The following TXNL4A variants were observed in gnomAD, a reference collection of about 807,000 sequenced individuals.
TXNL4A encodes thioredoxin-like protein 4A.
Under a neutral mutation model 14.6 loss-of-function variants are expected in TXNL4A, and 17 were observed. The observed-to-expected ratio is 1.16, with a 90% CI of 0.80 to 1.74. The LOEUF (loss-of-function observed/expected upper bound fraction) is 1.74, where lower values mean the gene tolerates loss of function less well. Among genes scored for constraint, TXNL4A ranks in the 40% most tolerant of loss-of-function variants. The pLI is 0.00. For missense variants in TXNL4A, 74 were observed against 195.2 expected (o/e 0.38, Z 3.70); for synonymous variants, 83 against 70.6 (o/e 1.18, Z -0.88).
chr18:79,988,524 C>G lies in TXNL4A; in HGVS notation c.-132G>C. The G allele has an allele frequency of 9.6e-7, 1 of 1,036,950 alleles. No individual in the cohort carries two copies. The highest frequency in any genetic ancestry group is 1.2e-6 in the Non-Finnish European group (1 of 805,156). 64.2% of individuals were successfully genotyped at this position (1,036,950 alleles called of 1,614,324 possible). ...CGGACGAAATCCGGTCCCGCCCGCA[C>G]ACGCAAACTCCGCTGGGACTGCCAC... is the stretch of plus-strand genomic sequence containing the variant. On this transcript the variant is annotated 5_prime_UTR_variant, in exon 1 of 3. Coordinates refer to ENST00000269601, the MANE Select transcript of TXNL4A (RefSeq NM_006701.5).
intron 1 of TXNL4A, among the ~76,000 whole-genome samples, chr18:79,997,287 C>G (rs1014253064): frequency 6.6e-6 from 1 of 151,986 alleles, no homozygotes; most frequent in African/African-American, 2.4e-5. Flanking sequence ...CAGGAAGCTA[C>G]AGATGGAATC....
intron 1 of TXNL4A, among the ~76,000 whole-genome samples, chr18:80,024,993 A>C (rs2051875072): frequency 6.6e-6 from 1 of 152,224 alleles, no homozygotes; most frequent in East Asian, 1.9e-4. Flanking sequence ...CTGGCTGGCT[A>C]TATGCAAAGT....
chr18:79,986,736 T>A (rs2051555046), intron 1 of TXNL4A: 1 of 985,362 alleles, frequency 1.0e-6, no homozygotes, highest in Admixed American at 6.1e-5. Flanking sequence ...CACCACCCGA[T>A]GTTTATGCCA....
At chr18:79,989,999 A>G (rs926598032), upstream of TXNL4A, among the ~76,000 whole-genome samples, 7 of 151,982 alleles carry the variant, frequency 4.6e-5, no homozygotes, top group African/African-American at 1.7e-4. Flanking sequence ...CCATCTCAAA[A>G]ACAACAACAA....
At chr18:80,008,140 TTAA>T in intron 1 of TXNL4A, among the ~76,000 whole-genome samples, 1 of 152,030 alleles carries the variant, frequency 6.6e-6, no homozygotes, top group South Asian at 2.1e-4. Flanking sequence ...AGATGGAGTC[TTAA>T]AAAAAAATGT....
At chr18:80,023,390 T>A (rs997747731) in intron 1 of TXNL4A, among the ~76,000 whole-genome samples, 1 of 151,998 alleles carries the variant, frequency 6.6e-6, no homozygotes, top group East Asian at 1.9e-4. Flanking sequence ...TGGAGAAAAA[T>A]CCTATTCCAC....
At chr18:80,025,813 C>G (rs2051880639) in intron 1 of TXNL4A, among the ~76,000 whole-genome samples, 1 of 152,198 alleles carries the variant, frequency 6.6e-6, no homozygotes, top group Non-Finnish European at 1.5e-5. Context: ...TGGTCAGACC[C>G]TATAACAGAT....
At chr18:79,975,792 G>A (rs1025220336) in intron 2 of TXNL4A, among the ~76,000 whole-genome samples, 8 of 152,054 alleles carry the variant, frequency 5.3e-5, no homozygotes, top group African/African-American at 9.7e-5. Context: ...CAACACACTC[G>A]GGATATTTAG....
At chr18:79,987,925 G>C (rs938490620) in intron 1 of TXNL4A, among the ~76,000 whole-genome samples, 1 of 152,258 alleles carries the variant, frequency 6.6e-6, no homozygotes, top group Admixed American at 6.5e-5. Flanking sequence ...AAACCTGCAA[G>C]TGCATTTTGT....
rs148073948 is a variant in TXNL4A, at chr18:79,977,436, T to C, written c.257+162A>G. The stretch of plus-strand genomic sequence containing the variant: ...AAACTAGAATTGTTACTTTGAAAAT[T>C]ATTTCAAAGATTCACACTGATTGCC... On this transcript the variant is annotated intron_variant, in intron 2 of 2. Coordinates refer to ENST00000269601, the MANE Select transcript of TXNL4A (RefSeq NM_006701.5). 3.3e-4 allele frequency: 198 copies of C among 594,716 alleles called. 1 individual carries two copies. In the East Asian group the frequency reaches 5.8e-3, roughly 17 times the overall value. The allele number at this position is 594,716 out of a possible 1,614,324, so 36.8% of individuals were successfully genotyped here.
chr18:80,001,519 T>G (rs539180870), intron 1 of TXNL4A, among the ~76,000 whole-genome samples: 79 of 151,864 alleles, frequency 5.2e-4, no homozygotes, highest in African/African-American at 1.9e-3. Context: ...GACACTCAAC[T>G]CCAGCCCATG....
intron 1 of TXNL4A, among the ~76,000 whole-genome samples, chr18:80,030,277 C>A (rs1437318028): frequency 6.6e-6 from 1 of 152,216 alleles, no homozygotes; most frequent in East Asian, 1.9e-4. Flanking sequence ...ATAACCATTA[C>A]AATTATTGTC....
At chr18:80,026,600 C>T (rs907482237) in intron 1 of TXNL4A, among the ~76,000 whole-genome samples, 3 of 152,134 alleles carry the variant, frequency 2.0e-5, no homozygotes, top group African/African-American at 4.8e-5. Flanking sequence ...CCCCATTCCT[C>T]GGAGTAATAA....
At chr18:79,996,116 A>AC (rs1417952896) in intron 1 of TXNL4A, among the ~76,000 whole-genome samples, 7 of 150,168 alleles carry the variant, frequency 4.7e-5, no homozygotes, top group Non-Finnish European at 7.4e-5. Flanking sequence ...AAAAAAAAAA[A>AC]AAAAAAAAAA....
intron 1 of TXNL4A, among the ~76,000 whole-genome samples, chr18:80,022,055 C>T (rs1362866157): frequency 6.6e-6 from 1 of 151,274 alleles, no homozygotes; most frequent in Non-Finnish European, 1.5e-5. Flanking sequence ...TTAGATTAAA[C>T]ACTTGGATTA....
intron 1 of TXNL4A, among the ~76,000 whole-genome samples, chr18:79,987,468 AAATT>A (rs200396830): frequency 0.031 from 4,789 of 152,302 alleles, 108 homozygotes; most frequent in Non-Finnish European, 0.045. Context: ...TACTTATGGA[AAATT>A]AATATGGCAA....
At chr18:79,994,570 A>G (rs2051648192) in intron 1 of TXNL4A, among the ~76,000 whole-genome samples, 1 of 146,616 alleles carries the variant, frequency 6.8e-6, no homozygotes, top group Non-Finnish European at 1.5e-5. Flanking sequence ...TCATCTCCCT[A>G]CAGGAGGCCA....
chr18:80,025,907 C>T (rs1810296195), intron 1 of TXNL4A, among the ~76,000 whole-genome samples: 1 of 152,194 alleles, frequency 6.6e-6, no homozygotes, highest in Non-Finnish European at 1.5e-5. Flanking sequence ...CAGGAGCAAG[C>T]AATGACTGTT....
At chr18:80,033,553 G>A (rs2051940802) in intron 1 of TXNL4A, among the ~76,000 whole-genome samples, 1 of 152,266 alleles carries the variant, frequency 6.6e-6, no homozygotes, top group African/African-American at 2.4e-5. Flanking sequence ...GGGCCCAGTG[G>A]CGGAAACAGA....
Sources: gnomAD v4.1 joint callset for allele counts (sites outside exome capture counted in the v4.1 genomes callset) on GRCh38, gnomAD v4.1.1 for gene constraint, MANE v1.5 for transcripts, NCBI Gene and HGNC (gene_info 2026-07-23, HGNC 2026-07-21) for gene names.